Variants in UNC13C observed in about 807,000 individuals in gnomAD.
The protein encoded by UNC13C is unc-13 homolog C, also known as protein unc-13 homolog C.
UNC13C carries 174 observed loss-of-function variants against 245.4 expected under a neutral mutation model. The observed-to-expected ratio is 0.71, with a 90% CI of 0.63 to 0.80. The LOEUF (loss-of-function observed/expected upper bound fraction) is 0.80, where lower values mean the gene tolerates loss of function less well. Among genes scored for constraint, UNC13C ranks in the 30% least tolerant of loss-of-function variants. The pLI is 0.00. For synonymous variants in UNC13C, 992 were observed against 895.1 expected (o/e 1.11, Z -1.93); for missense variants, 2,829 against 2,602.9 (o/e 1.09, Z -1.89).
intron 19 of UNC13C, among the ~76,000 whole-genome samples, chr15:54,457,892 G>C (rs1010320496): frequency 1.6e-5 from 2 of 122,990 alleles, no homozygotes; most frequent in Admixed American, 8.6e-5. Flanking sequence ...TCTGCTTTTC[G>C]TTTTTTTTTT....
the UNC13C span, among the ~76,000 whole-genome samples, chr15:53,969,609 A>G: frequency 2.6e-5 from 4 of 151,106 alleles, no homozygotes; most frequent in Admixed American, 1.3e-4. Context: ...TTGCTTGAGC[A>G]TAAGAGTTAG....
At chr15:54,458,451 T>C (rs890732266) in intron 19 of UNC13C, among the ~76,000 whole-genome samples, 2 of 152,058 alleles carry the variant, frequency 1.3e-5, no homozygotes, top group Admixed American at 6.5e-5. Flanking sequence ...TGACTTTTGG[T>C]CTTAATGACC....
chr15:54,081,581 C>A (rs1226916962), intron 2 of UNC13C, among the ~76,000 whole-genome samples: 1 of 148,980 alleles, frequency 6.7e-6, no homozygotes, highest in Non-Finnish European at 1.5e-5. Flanking sequence ...AAGTATGTTT[C>A]ATCAGATACA....
At chr15:54,033,175 A>G (rs1015813696) in intron 2 of UNC13C, among the ~76,000 whole-genome samples, 3 of 152,150 alleles carry the variant, frequency 2.0e-5, no homozygotes, top group East Asian at 3.9e-4. Context: ...AATGGCATAG[A>G]TGTAATTAAT....
chr15:54,511,752 G>T lies in UNC13C; in HGVS notation c.5380-1G>T. The T allele has an allele frequency of 6.3e-7, 1 of 1,599,256 alleles. No homozygotes were observed. Among genetic ancestry groups the T allele is most frequent in the Non-Finnish European group, 8.5e-7 (1 of 1,172,412 alleles). ...AATAGTCTTTTTTTCTATATTTAAA[G>T]CCCTGTATCTTGATGAACAATATTC... On this transcript the variant is annotated splice_acceptor_variant, in intron 23 of 32. Coordinates refer to ENST00000260323, the MANE Select transcript of UNC13C (RefSeq NM_001080534.3). LOFTEE classifies it high-confidence loss of function.
the UNC13C span, among the ~76,000 whole-genome samples, chr15:53,860,732 G>A: frequency 1.3e-5 from 2 of 152,090 alleles, no homozygotes; most frequent in East Asian, 3.9e-4. Context: ...TTCTGAATAT[G>A]TCGATAATTT....
At chr15:53,942,822 C>T in the UNC13C span, among the ~76,000 whole-genome samples, 224 of 152,176 alleles carry the variant, frequency 1.5e-3, 2 homozygotes, top group African/African-American at 5.0e-3. Context: ...GCCACCATGC[C>T]TGGCTAATTT....
At chr15:54,555,542 C>T (rs62022213) in intron 29 of UNC13C, 30 bp downstream of exon 29, 24 of 1,544,912 alleles carry the variant, frequency 1.6e-5, no homozygotes, top group African/African-American at 4.1e-5. Context: ...ATATATACAT[C>T]GAGAGAGGCC....
chr15:54,196,278 G>GTTC (rs2034350582), intron 4 of UNC13C, among the ~76,000 whole-genome samples: 1 of 151,808 alleles, frequency 6.6e-6, no homozygotes, highest in Non-Finnish European at 1.5e-5. Flanking sequence ...GCTGTCAACT[G>GTTC]TTCTGGGGCA....
At chr15:54,470,092 A>G (rs1892379848) in intron 19 of UNC13C, among the ~76,000 whole-genome samples, 1 of 151,696 alleles carries the variant, frequency 6.6e-6, no homozygotes, top group Non-Finnish European at 1.5e-5. Context: ...CCATCCTTGC[A>G]TCCCAGAGAT....
the UNC13C span, among the ~76,000 whole-genome samples, chr15:53,878,744 A>C: frequency 6.6e-6 from 1 of 152,204 alleles, no homozygotes; most frequent in Non-Finnish European, 1.5e-5. Context: ...AATTCAGTTT[A>C]CTTCTGAAAT....
intron 17 of UNC13C, among the ~76,000 whole-genome samples, chr15:54,361,339 A>T (rs1286724254): frequency 6.6e-6 from 1 of 151,780 alleles, no homozygotes; most frequent in African/African-American, 2.4e-5. Flanking sequence ...GTGTGTTTTT[A>T]CTTGTGTAAA....
In UNC13C at chr15:54,432,956, G is replaced by T. The variant is rs999693109; in HGVS notation, c.4933+17889G>T. On this transcript the variant is annotated intron_variant, in intron 19 of 32. Transcript: ENST00000260323. ...GAAACACAAACTACCATCAGAGAAT[G>T]CTATAAACACCTCTACACAAATAAA... is the stretch of plus-strand genomic sequence containing the variant. 2.6e-5 allele frequency among the ~76,000 whole-genome samples: 4 copies of T among 151,942 alleles called. No homozygotes were observed. The East Asian group carries it at 5.8e-4, about 22-fold the overall frequency.
chr15:54,312,430 T>C (rs2037898597), intron 13 of UNC13C, among the ~76,000 whole-genome samples: 1 of 151,742 alleles, frequency 6.6e-6, no homozygotes, highest in South Asian at 2.1e-4. Flanking sequence ...GGGAAAATAT[T>C]TTTTAGCTTC....
intron 10 of UNC13C, among the ~76,000 whole-genome samples, chr15:54,288,143 T>C (rs1421042411): frequency 1.3e-5 from 2 of 152,182 alleles, no homozygotes; most frequent in Non-Finnish European, 2.9e-5. Context: ...ACATAGTCTT[T>C]GTATGTAGCA....
Position 54,262,621 on chromosome 15 carries a change from G to T in UNC13C, c.3449-1547G>T, listed in dbSNP as rs574982529. Among the ~76,000 whole-genome samples the T allele has an allele frequency of 5.3e-5, 8 of 152,256 alleles. No homozygotes were observed. In the South Asian group the frequency reaches 1.0e-3, roughly 20 times the overall value. ...GCTATTCTAGGGACATGTTTCAACA[G>T]TGTAGACCATTTACAATGTCCTTTT... On this transcript the variant is annotated intron_variant, in intron 8 of 32. Transcript: ENST00000260323.
chr15:53,926,781 C>T, the UNC13C span, among the ~76,000 whole-genome samples: 1 of 152,110 alleles, frequency 6.6e-6, no homozygotes, highest in Non-Finnish European at 1.5e-5. Context: ...GGTGGGAGTT[C>T]ACTTCATGTT....
At chr15:54,286,764 A>G (rs1292339101) in intron 10 of UNC13C, among the ~76,000 whole-genome samples, 2 of 152,236 alleles carry the variant, frequency 1.3e-5, no homozygotes, top group Non-Finnish European at 2.9e-5. Context: ...GGCTCTGCAG[A>G]GCACAGCACC....
At position 54,534,740 on chromosome 15, in the gene UNC13C, T is replaced by C. The variant is rs145389708; in HGVS notation, c.5696+1674T>C. On this transcript the variant is annotated intron_variant, in intron 26 of 32. Transcript: ENST00000260323. ...TAGCCATTTTAAGAAAGAATCAAAG[T>C]GGTCTGATGGAGCTGCAAAACTCAC... Among the ~76,000 whole-genome samples, 483 of 152,268 alleles carry C rather than the reference T, an allele frequency of 3.2e-3. 6 individuals carry two copies. The highest frequency in any genetic ancestry group is 0.011 in the African/African-American group (452 of 41,548).
Sources: allele counts gnomAD v4.1 joint callset (sites outside exome capture counted in the v4.1 genomes callset), GRCh38; gene constraint gnomAD v4.1.1; transcripts MANE v1.5; gene names NCBI Gene and HGNC (gene_info 2026-07-23, HGNC 2026-07-21).